NPIPB4: variants seen among roughly 807,000 people sequenced by gnomAD.
NPIPB4 encodes the protein nuclear pore complex-interacting protein family member B4.
For missense variants in NPIPB4, 105 were observed against 513.7 expected, an observed-to-expected ratio of 0.20 and a Z score of 7.69; for synonymous variants, 31 against 194.1, an observed-to-expected ratio of 0.16 and a Z score of 6.99.
chr16:21,848,198 GTTTT>G (rs1277992148), intron 2 of NPIPB4, among the ~76,000 whole-genome samples: 1 of 140,918 alleles, frequency 7.1e-6, no homozygotes, highest in Admixed American at 7.1e-5. Context: ...CCATTTTTTT[GTTTT>G]TGTTTTTGTT....
At chr16:21,843,125 GAAAA>G (rs878919179) in intron 5 of NPIPB4, among the ~76,000 whole-genome samples, 2 of 106,440 alleles carry the variant, frequency 1.9e-5, no homozygotes, top group Admixed American at 1.1e-4. Context: ...TCCATCTCAG[GAAAA>G]AAAAAAAAAA....
intron 2 of NPIPB4, among the ~76,000 whole-genome samples, chr16:21,853,428 G>A (rs1173292214): frequency 0.081 from 82 of 1,010 alleles, no homozygotes; most frequent in East Asian, 0.29. Flanking sequence ...TTAGGAGTTC[G>A]AGACCAGCCT....
At chr16:21,850,480 C>G (rs1302934414) in intron 2 of NPIPB4, among the ~76,000 whole-genome samples, 1 of 152,002 alleles carries the variant, frequency 6.6e-6, no homozygotes, top group African/African-American at 2.4e-5. Flanking sequence ...GAAACCCCAT[C>G]TCTACTAAAA....
intron 5 of NPIPB4, among the ~76,000 whole-genome samples, chr16:21,842,015 A>T (rs1293475572): frequency 2.0e-5 from 3 of 151,732 alleles, no homozygotes; most frequent in South Asian, 4.2e-4. Context: ...CGACGACTTC[A>T]ATTGCAGCTT....
intron 2 of NPIPB4, among the ~76,000 whole-genome samples, chr16:21,850,332 TC>T (rs1567445106): frequency 6.7e-6 from 1 of 149,238 alleles, no homozygotes; most frequent in East Asian, 2.0e-4. Flanking sequence ...GTATGTACTT[TC>T]CAAAGTTAGT....
intron 5 of NPIPB4, chr16:21,840,999 A>C (rs1350690503): frequency 6.2e-6 from 6 of 975,146 alleles, no homozygotes; most frequent in Non-Finnish European, 7.3e-6. Context: ...TCTTGTCATC[A>C]ACTTTAAAGA....
intron 2 of NPIPB4, among the ~76,000 whole-genome samples, chr16:21,848,322 AG>A (rs1902246212): frequency 4.4e-5 from 1 of 22,788 alleles, no homozygotes. Context: ...CTCCTGCCTC[AG>A]CCTCCTGAGT....
rs1567439203 is a variant in NPIPB4, at chr16:21,837,233, A to C, written c.1154T>G (p.Leu385Arg). ...GAGCTGACGCTCGGAAGGTGTCTTG[A>C]GATTATCATCCGCTGAGGGTGGAAG... ...HPLPPSADDN[L>R]KTPSERQLTP... The change falls in exon 8 of 8, where the codon CTC becomes CGC. Residue 385 changes from leucine (L) to arginine (R), a missense_variant. Leu to Arg is a moderately radical substitution (Grantham distance 102). Transcript: ENST00000682606. 1 of 880,748 alleles carries C rather than the reference A, an allele frequency of 1.1e-6. No homozygotes were observed. The highest frequency in any genetic ancestry group is 1.5e-6 in the Non-Finnish European group (1 of 658,806). The allele number at this position is 880,748 out of a possible 1,614,324, so 54.6% of individuals were successfully genotyped here. A position where few individuals can be genotyped will look rare whatever the true frequency, so the allele number is the denominator to read the frequency against.
chr16:21,849,255 T>TA (rs1236593969), intron 2 of NPIPB4, among the ~76,000 whole-genome samples: 1 of 121,398 alleles, frequency 8.2e-6, no homozygotes, highest in Non-Finnish European at 1.8e-5. Context: ...GAGACCATCC[T>TA]AGCTAACACG....
intron 2 of NPIPB4, among the ~76,000 whole-genome samples, chr16:21,849,299 TAGC>T (rs1902284652): frequency 7.5e-6 from 1 of 134,126 alleles, no homozygotes; most frequent in Non-Finnish European, 1.6e-5. Context: ...TACAAAAAAT[TAGC>T]AGGGCATGGT....
At chr16:21,850,387 T>A (rs1344605555) in intron 2 of NPIPB4, among the ~76,000 whole-genome samples, 1 of 151,148 alleles carries the variant, frequency 6.6e-6, no homozygotes, top group Non-Finnish European at 1.5e-5. Context: ...GCGCGGTGGC[T>A]CACGCCTGTA....
rs774829995 is a variant in NPIPB4, at chr16:21,837,318, A to T, written c.1069T>A (p.Ser357Thr). 1.4e-4 allele frequency: 182 copies of T among 1,289,164 alleles called. 29 individuals are homozygous for T. Among genetic ancestry groups the T allele is most frequent in the Middle Eastern group, 6.4e-4 (2 of 3,118 alleles). The allele number at this position is 1,289,164 out of a possible 1,614,324, so 79.9% of individuals were successfully genotyped here. Reference sequence around the variant, plus strand: ...TTATCATCCGCTGAGGGTGGAGCTGAGGGTAGAGCTGAGGGTGGAAGGGGA... The same window carrying T: ...TTATCATCCGCTGAGGGTGGAGCTGTGGGTAGAGCTGAGGGTGGAAGGGGA... ...LTPLPPSALP[S>T]APPSADDNLK... The change falls in exon 8 of 8, where the codon TCA becomes ACA. Residue 357 changes from serine to threonine, a missense_variant. Ser to Thr is a moderately conservative substitution (Grantham distance 58, BLOSUM62 1). Coordinates refer to ENST00000682606, the MANE Select transcript of NPIPB4 (RefSeq NM_001384980.1).
intron 2 of NPIPB4, among the ~76,000 whole-genome samples, chr16:21,849,432 G>A (rs1186644024): frequency 1.4e-5 from 1 of 69,142 alleles, no homozygotes; most frequent in Non-Finnish European, 2.6e-5. Context: ...GGGTGACAGA[G>A]CGAGACTCTG....
chr16:21,850,670 TAAAAAAAAAA>T (rs1222161652), intron 2 of NPIPB4, among the ~76,000 whole-genome samples: 3 of 4,192 alleles, frequency 7.2e-4, no homozygotes, highest in African/African-American at 1.5e-3. Flanking sequence ...AGACTCTGTC[TAAAAAAAAAA>T]AAAAAAAAAA....
At chr16:21,843,150 A>G (rs1017018146) in intron 5 of NPIPB4, among the ~76,000 whole-genome samples, 1 of 131,882 alleles carries the variant, frequency 7.6e-6, no homozygotes, top group Non-Finnish European at 1.6e-5. Flanking sequence ...AAAAAGAGAA[A>G]GGAAAACCAA....
At position 21,842,019 on chromosome 16, in the gene NPIPB4, G is replaced by A. The variant is rs544710454; in HGVS notation, c.545+1367C>T. Among the ~76,000 whole-genome samples the A allele has an allele frequency of 4.8e-3, 725 of 151,670 alleles. 10 individuals are homozygous for A. The highest frequency in any genetic ancestry group is 8.0e-3 in the Non-Finnish European group (542 of 67,946). The stretch of plus-strand genomic sequence containing the variant: ...TGAGCCTGCACCGACGACTTCAATT[G>A]CAGCTTGTATGGAGGACCCCTGACC... On this transcript the variant is annotated intron_variant, in intron 5 of 7. Coordinates refer to ENST00000682606, the MANE Select transcript of NPIPB4 (RefSeq NM_001384980.1).
intron 5 of NPIPB4, among the ~76,000 whole-genome samples, chr16:21,840,417 C>T (rs879046265): frequency 6.8e-4 from 86 of 127,324 alleles, no homozygotes; most frequent in African/African-American, 2.3e-3. Context: ...CATTCTTTCA[C>T]GCTTAGTTTC....
intron 2 of NPIPB4, among the ~76,000 whole-genome samples, chr16:21,850,410 GGAGGCT>G (rs1486036730): frequency 1.3e-5 from 2 of 151,796 alleles, no homozygotes; most frequent in Non-Finnish European, 2.9e-5. Context: ...CCCAGCACTG[GGAGGCT>G]GAGGCAGGCA....
At chr16:21,851,283 AGGGGAG>A (rs1902501220) in intron 2 of NPIPB4, 3 of 163,074 alleles carry the variant, frequency 1.8e-5, no homozygotes, top group Admixed American at 1.0e-4. Flanking sequence ...GGGGAGGGGG[AGGGGAG>A]GGGGAGGGGA....
Sources: allele counts gnomAD v4.1 joint callset (sites outside exome capture counted in the v4.1 genomes callset), GRCh38; gene constraint gnomAD v4.1.1; transcripts MANE v1.5; gene names NCBI Gene and HGNC (gene_info 2026-07-23, HGNC 2026-07-21).